The following COL6A6 variants were observed in gnomAD, a reference collection of about 807,000 sequenced individuals.
The protein encoded by COL6A6 is collagen type VI alpha 6 chain.
A neutral mutation model predicts 208.6 loss-of-function variants in COL6A6; 183 were observed. That is an observed-to-expected ratio of 0.88 (90% CI 0.78 to 0.99). The LOEUF is 0.99. Among genes scored for constraint, COL6A6 ranks in the 50% least tolerant of loss-of-function variants. The pLI, the probability that COL6A6 is intolerant of heterozygous loss-of-function variation, is 0.00. For synonymous variants in COL6A6, 973 were observed against 1,011.8 expected, an observed-to-expected ratio of 0.96 and a Z score of 0.73; for missense variants, 2,816 against 2,815.2, an observed-to-expected ratio of 1.00 and a Z score of -0.01.
chr3:130,539,841 T>A (rs1193272882), intron 1 of COL6A6, among the ~76,000 whole-genome samples: 4 of 152,216 alleles, frequency 2.6e-5, no homozygotes, highest in African/African-American at 9.6e-5. Flanking sequence ...CTGTCAGCAT[T>A]TAAATGAACT....
rs1446165925 is a variant in COL6A6, at chr3:130,593,041, A to C, written c.4372-20A>C. 6.2e-7 allele frequency: 1 copy of C among 1,609,380 alleles called. No individual in the cohort carries two copies. The highest frequency in any genetic ancestry group is 8.5e-7 in the Non-Finnish European group (1 of 1,175,918). Reference sequence around the variant, plus strand: ...ACATGCACGTGATGTACTCTGTTCTAATCATATCTATCTTTTCAGGGAGAA... The same window carrying C: ...ACATGCACGTGATGTACTCTGTTCTCATCATATCTATCTTTTCAGGGAGAA... On this transcript the variant is annotated intron_variant, in intron 15 of 36. Transcript: ENST00000358511.
intron 13 of COL6A6, among the ~76,000 whole-genome samples, chr3:130,592,295 C>G (rs2063736427): frequency 6.6e-6 from 1 of 152,188 alleles, no homozygotes; most frequent in Non-Finnish European, 1.5e-5. Context: ...AAGGACGTAA[C>G]TTGGTGACCA....
intron 10 of COL6A6, among the ~76,000 whole-genome samples, chr3:130,582,894 G>A (rs1052277228): frequency 2.0e-5 from 3 of 152,152 alleles, no homozygotes; most frequent in Non-Finnish European, 2.9e-5. Flanking sequence ...TTGGACCTTT[G>A]CCTCTAAATG....
chr3:130,642,705 G>T, intron 29 of COL6A6, 127 bp from the exon 30 acceptor site: 5 of 741,338 alleles, frequency 6.7e-6, no homozygotes, highest in Admixed American at 2.9e-5. Context: ...ATTCTTTTTT[G>T]CCTCTTACAA....
intron 1 of COL6A6, among the ~76,000 whole-genome samples, chr3:130,527,908 T>TGG: frequency 2.8e-5 from 4 of 145,442 alleles, no homozygotes; most frequent in African/African-American, 1.0e-4. Flanking sequence ...TTTTTTTTTT[T>TGG]TTTTTTTGGT....
rs550272738 is a variant in COL6A6, at chr3:130,634,611, G to C, written c.5014G>C (p.Glu1672Gln). ...GAKGQEGFPG[E>Q]SGPKGEIGDP... ...ACAGGGACAAGAAGGATTCCCTGGA[G>C]AAAGTGGACCTAAGGTACCGTGTGC... is the stretch of plus-strand genomic sequence containing the variant. Residue 1672 changes from glutamate (E) to glutamine (Q), a missense_variant, in exon 27 of 37, where the codon GAA becomes CAA. Glu to Gln is a conservative substitution (Grantham distance 29). Coordinates refer to ENST00000358511, the MANE Select transcript of COL6A6 (RefSeq NM_001102608.3). 5 of 1,607,912 alleles carry C rather than the reference G, an allele frequency of 3.1e-6. No individual in the cohort carries two copies. The highest frequency in any genetic ancestry group is 1.7e-5 in the Admixed American group (1 of 59,426).
At chr3:130,578,568 G>A (rs2063346874) in intron 8 of COL6A6, among the ~76,000 whole-genome samples, 1 of 152,096 alleles carries the variant, frequency 6.6e-6, no homozygotes, top group Admixed American at 6.5e-5. Flanking sequence ...CACTAGAGAA[G>A]CCCTATAAAA....
chr3:130,566,803 G>A lies in COL6A6; in HGVS notation c.1384G>A (p.Val462Met). The A allele has an allele frequency of 6.2e-7, 1 of 1,614,040 alleles. No individual in the cohort carries two copies. The change falls in exon 5 of 37, where the codon GTG becomes ATG. Residue 462 changes from valine (V) to methionine (M), a missense_variant. Val to Met is a conservative substitution (Grantham distance 21, BLOSUM62 1). Transcript: ENST00000358511. ...FHEMKTFLSE[V>M]VGMFNIAPHK... ...TGAAATGAAGACGTTCCTGTCAGAG[G>A]TGGTAGGGATGTTCAACATTGCTCC...
Position 130,592,733 on chromosome 3 carries a change from A to G in COL6A6, c.4371+11A>G, listed in dbSNP as rs377580752. On this transcript the variant is annotated intron_variant, in intron 15 of 36. Coordinates refer to ENST00000358511, the MANE Select transcript of COL6A6 (RefSeq NM_001102608.3). ...CTAAATGGACAGGAGGTATGTTACC[A>G]GGCACATCCATTTACCTACCCATAT... 2.0e-4 allele frequency: 320 copies of G among 1,607,440 alleles called. 1 individual carries two copies. The highest frequency in any genetic ancestry group is 5.0e-5 in the Admixed American group (3 of 59,930).
chr3:130,572,844 G>A (rs990623287), intron 7 of COL6A6, among the ~76,000 whole-genome samples: 6 of 152,142 alleles, frequency 3.9e-5, no homozygotes, highest in African/African-American at 1.4e-4. Flanking sequence ...TATTTCTGAG[G>A]CTATGATGAG....
intron 7 of COL6A6, among the ~76,000 whole-genome samples, chr3:130,572,250 C>T (rs566133896): frequency 6.6e-6 from 1 of 152,302 alleles, no homozygotes; most frequent in South Asian, 2.1e-4. Flanking sequence ...CATAGTGGGG[C>T]TTCTATTCTG....
At chr3:130,634,238 TAAATAAAAAAA>T (rs2065037889) in intron 26 of COL6A6, among the ~76,000 whole-genome samples, 2 of 16,210 alleles carry the variant, frequency 1.2e-4, no homozygotes, top group East Asian at 2.0e-3. Flanking sequence ...AATAAATAAA[TAAATAAAAAAA>T]AAAAAAAAAA....
chr3:130,546,029 G>T (rs1286763506), intron 1 of COL6A6, among the ~76,000 whole-genome samples: 1 of 151,888 alleles, frequency 6.6e-6, no homozygotes, highest in Non-Finnish European at 1.5e-5. Flanking sequence ...TCATTTTTCT[G>T]TTTTTCAGTT....
At chr3:130,669,536 C>G (rs1176864477) in intron 36 of COL6A6, among the ~76,000 whole-genome samples, 1 of 151,898 alleles carries the variant, frequency 6.6e-6, no homozygotes, top group African/African-American at 2.4e-5. Flanking sequence ...TGCTATATGT[C>G]AAAACTTGTA....
chr3:130,590,252 TTCATA>T (rs2063641866), intron 12 of COL6A6, among the ~76,000 whole-genome samples: 1 of 99,832 alleles, frequency 1.0e-5, no homozygotes, highest in African/African-American at 4.3e-5. Context: ...TTCTTTTTTT[TTCATA>T]TATATATATA....
intron 1 of COL6A6, among the ~76,000 whole-genome samples, chr3:130,544,404 ATC>A (rs775433376): frequency 2.9e-4 from 44 of 151,956 alleles, no homozygotes; most frequent in Non-Finnish European, 4.4e-4. Context: ...CTGTGTGTGT[ATC>A]TCAGTTTCTT....
intron 2 of COL6A6, among the ~76,000 whole-genome samples, chr3:130,562,115 C>T (rs922145570): frequency 1.3e-5 from 2 of 152,174 alleles, no homozygotes; most frequent in African/African-American, 4.8e-5. Context: ...CTCCCTACCC[C>T]AGACAAGAAA....
intron 5 of COL6A6, 92 bp from the exon 6 acceptor site, chr3:130,567,955 T>C (rs1216739302): frequency 2.4e-6 from 2 of 847,650 alleles, no homozygotes; most frequent in Non-Finnish European, 3.7e-6. Flanking sequence ...CACATGTCAA[T>C]ATAAAATTAT....
At position 130,598,397 on chromosome 3, in the gene COL6A6, AC is replaced by A; in HGVS notation, c.4569del (p.Thr1524GlnfsTer3). The A allele has an allele frequency of 6.4e-7, 1 of 1,552,318 alleles. No homozygotes were observed. The highest frequency in any genetic ancestry group is 8.7e-7 in the Non-Finnish European group (1 of 1,146,962). On this transcript the variant is annotated frameshift_variant, in exon 19 of 37. Transcript: ENST00000358511. LOFTEE classifies it high-confidence loss of function. ...APGVDSSIEGPTGLKGERGRQ... is the reference protein window; with the variant it reads ...APGVDSSIEGXTGLKGERGRQ... ...CTGGAGTTGACAGTAGCATAGAAGGACCCACAGGCTTGAAAGGAGAACGTGG... is the reference window on the plus strand; with the variant it reads ...CTGGAGTTGACAGTAGCATAGAAGGACCACAGGCTTGAAAGGAGAACGTGG...
Sources: allele counts gnomAD v4.1 joint callset (sites outside exome capture counted in the v4.1 genomes callset), GRCh38; gene constraint gnomAD v4.1.1; transcripts MANE v1.5; gene names NCBI Gene and HGNC (gene_info 2026-07-23, HGNC 2026-07-21).